TIAM1: variants seen among roughly 807,000 people sequenced by gnomAD.
TIAM1 encodes rho guanine nucleotide exchange factor TIAM1.
A neutral mutation model predicts 163.5 loss-of-function variants in TIAM1; 65 were observed. That is an observed-to-expected ratio of 0.40 (90% CI 0.33 to 0.49). The LOEUF is 0.49. Among genes scored for constraint, TIAM1 ranks in the 20% least tolerant of loss-of-function variants. The pLI, the probability that TIAM1 is intolerant of heterozygous loss-of-function variation, is 0.77. For synonymous variants in TIAM1, 833 were observed against 810.1 expected, an observed-to-expected ratio of 1.03 and a Z score of -0.48; for missense variants, 1,789 against 2,044.7, an observed-to-expected ratio of 0.87 and a Z score of 2.41.
chr21:31,174,327 C>T (rs1440957278), intron 15 of TIAM1, among the ~76,000 whole-genome samples: 1 of 152,222 alleles, frequency 6.6e-6, no homozygotes, highest in Non-Finnish European at 1.5e-5. Context: ...AAGCAAGGTG[C>T]CTTCGACTTT....
At chr21:31,151,524 A>C (rs1431634338) in intron 19 of TIAM1, among the ~76,000 whole-genome samples, 1 of 152,162 alleles carries the variant, frequency 6.6e-6, no homozygotes, top group Non-Finnish European at 1.5e-5. Flanking sequence ...CATATTTAAC[A>C]TAACAGGGAG....
intron 10 of TIAM1, among the ~76,000 whole-genome samples, chr21:31,210,592 A>AAGAAAGAAAGAAAGAAAGAAAGAAAG (rs1162520566): frequency 3.4e-5 from 3 of 88,746 alleles, no homozygotes; most frequent in South Asian, 3.8e-4. Flanking sequence ...GAAAGAAAGA[A>AAGAAAGAAAGAAAGAAAGAAAGAAAG]AGAGAGAAAG....
At chr21:31,303,507 A>C (rs1217622465) in intron 2 of TIAM1, among the ~76,000 whole-genome samples, 1 of 152,214 alleles carries the variant, frequency 6.6e-6, no homozygotes, top group Admixed American at 6.5e-5. Flanking sequence ...GAATACAAAG[A>C]ATTGGTTTTT....
At chr21:31,287,601 G>A (rs569594821) in intron 2 of TIAM1, among the ~76,000 whole-genome samples, 7 of 152,280 alleles carry the variant, frequency 4.6e-5, no homozygotes, top group African/African-American at 1.7e-4. Flanking sequence ...ACAGGGATAG[G>A]AGAGAGTTTA....
chr21:31,152,135 C>A (rs57423657), intron 19 of TIAM1, among the ~76,000 whole-genome samples: 194 of 150,196 alleles, frequency 1.3e-3, no homozygotes, highest in African/African-American at 4.5e-3. Flanking sequence ...CAGGTTCAAG[C>A]GATTCTCCTG....
At chr21:31,369,158 G>A (rs1381166836) in intron 2 of TIAM1, among the ~76,000 whole-genome samples, 8 of 146,656 alleles carry the variant, frequency 5.5e-5, no homozygotes, top group African/African-American at 1.5e-4. Context: ...CCCGGGAGGC[G>A]GAGCTTGCAG....
chr21:31,162,195 C>T (rs1262945359), intron 16 of TIAM1, among the ~76,000 whole-genome samples: 11 of 152,190 alleles, frequency 7.2e-5, no homozygotes, highest in Non-Finnish European at 1.5e-4. Context: ...CGCTTAACCT[C>T]TCTGTTCCAG....
At chr21:31,321,668 A>T (rs2075318800) in intron 2 of TIAM1, among the ~76,000 whole-genome samples, 1 of 152,208 alleles carries the variant, frequency 6.6e-6, no homozygotes, top group Non-Finnish European at 1.5e-5. Context: ...TGTTTTAAAA[A>T]TAGTTCAGGA....
chr21:31,306,216 T>C (rs1170285481), intron 2 of TIAM1, among the ~76,000 whole-genome samples: 1 of 152,082 alleles, frequency 6.6e-6, no homozygotes. Flanking sequence ...CCCAGGAGTT[T>C]GAGGCTGTGG....
intron 1 of TIAM1, among the ~76,000 whole-genome samples, chr21:31,548,251 T>G (rs2409412): frequency 1.3e-5 from 2 of 149,880 alleles, no homozygotes; most frequent in African/African-American, 4.9e-5. Flanking sequence ...GCAATTCTCA[T>G]GTGCCTCAGT....
intron 1 of TIAM1, among the ~76,000 whole-genome samples, chr21:31,478,122 T>G (rs561854957): frequency 6.6e-6 from 1 of 152,370 alleles, no homozygotes; most frequent in African/African-American, 2.4e-5. Flanking sequence ...CTGGCCTTAT[T>G]GAGCAGGTGT....
At chr21:31,252,322 G>A in intron 4 of TIAM1, 133 bp from the exon 5 acceptor site, 1 of 947,122 alleles carries the variant, frequency 1.1e-6, no homozygotes, top group Non-Finnish European at 1.6e-6. Context: ...AGCCACTCCT[G>A]ACGGCTCCTG....
At chr21:31,210,800 A>AAG (rs1293370078) in intron 10 of TIAM1, among the ~76,000 whole-genome samples, 3 of 142,788 alleles carry the variant, frequency 2.1e-5, no homozygotes, top group African/African-American at 8.7e-5. Flanking sequence ...GAAAGAAAGA[A>AAG]AGAAAGAAAG....
In TIAM1 at chr21:31,276,823, G is replaced by C. The variant is rs1034945257; in HGVS notation, c.-103C>G. The C allele has an allele frequency of 1.1e-4, 17 of 152,238 alleles. No individual in the cohort carries two copies. The highest frequency in any genetic ancestry group is 4.1e-4 in the African/African-American group (17 of 41,460). The allele number at this position is 152,238 out of a possible 1,614,324, so 9.4% of individuals were successfully genotyped here. The stretch of plus-strand genomic sequence containing the variant: ...GTTGGAAATGATGTCCGGATGAACA[G>C]CCACAGGGCTGGGGACGATGTCAGC... On this transcript the variant is annotated 5_prime_UTR_variant, in exon 3 of 28. Transcript: ENST00000541036.
chr21:31,496,237 C>G (rs1481781222), intron 1 of TIAM1, among the ~76,000 whole-genome samples: 2 of 152,130 alleles, frequency 1.3e-5, no homozygotes, highest in Non-Finnish European at 2.9e-5. Flanking sequence ...CGCCTGTAAT[C>G]CCAACACATT....
chr21:31,150,817 AT>A lies in TIAM1; in HGVS notation c.3366+1818del, dbSNP rs1267209473. ...AGATGGGCCTCAAATACAGAAAAAA[AT>A]ATTTACAAATCATGTATCTGATAAA... On this transcript the variant is annotated intron_variant, in intron 19 of 27. Coordinates refer to ENST00000541036, the MANE Select transcript of TIAM1 (RefSeq NM_001353694.2). Among the ~76,000 whole-genome samples the A allele has an allele frequency of 5.9e-5, 9 of 152,348 alleles. No homozygotes were observed. The South Asian group carries it at 1.0e-3, about 18-fold the overall frequency.
In TIAM1 at chr21:31,210,279, G is replaced by C. The variant is rs1038438801; in HGVS notation, c.2218-64C>G. The C allele has an allele frequency of 5.8e-6, 9 of 1,547,660 alleles. No homozygotes were observed. In the Admixed American group the frequency reaches 1.5e-4, roughly 26 times the overall value. ...GAGCTCTGACAACCCTAGATTCCCAGACTGCACACAGGAATCACCGATTCC... is the reference window on the plus strand; with the variant it reads ...GAGCTCTGACAACCCTAGATTCCCACACTGCACACAGGAATCACCGATTCC... On this transcript the variant is annotated intron_variant, in intron 10 of 27. Transcript: ENST00000541036.
chr21:31,413,099 A>G (rs1357815569), intron 2 of TIAM1, among the ~76,000 whole-genome samples: 2 of 152,096 alleles, frequency 1.3e-5, no homozygotes, highest in Non-Finnish European at 2.9e-5. Flanking sequence ...GGACCACTAA[A>G]CTAAAATATA....
At chr21:31,526,726 G>T (rs1473772489) in intron 1 of TIAM1, among the ~76,000 whole-genome samples, 1 of 152,022 alleles carries the variant, frequency 6.6e-6, no homozygotes, top group Non-Finnish European at 1.5e-5. Flanking sequence ...GTTTGTGACA[G>T]AGTCTCCCTA....
Sources: allele counts gnomAD v4.1 joint callset (sites outside exome capture counted in the v4.1 genomes callset), GRCh38; gene constraint gnomAD v4.1.1; transcripts MANE v1.5; gene names NCBI Gene and HGNC (gene_info 2026-07-23, HGNC 2026-07-21).